HIVEP3: variants seen among roughly 807,000 people sequenced by gnomAD.
HIVEP3 encodes HIVEP zinc finger 3, also known as transcription factor HIVEP3.
A neutral mutation model predicts 152.8 loss-of-function variants in HIVEP3; 49 were observed. The observed-to-expected ratio is 0.32, with a 90% CI of 0.26 to 0.41. The LOEUF (loss-of-function observed/expected upper bound fraction) is 0.41, where lower values mean the gene tolerates loss of function less well. HIVEP3 is among the 10% of genes least tolerant of loss of function. The pLI is 1.00. For synonymous variants in HIVEP3, 1,269 were observed against 1,289.0 expected (o/e 0.98, Z 0.33); for missense variants, 2,790 against 3,103.3 (o/e 0.90, Z 2.40).
At chr1:41,799,134 G>C (rs1650157745) in intron 1 of HIVEP3, among the ~76,000 whole-genome samples, 1 of 152,092 alleles carries the variant, frequency 6.6e-6, no homozygotes, top group Non-Finnish European at 1.5e-5. Context: ...AACTTATTTA[G>C]TCATGAAATC....
chr1:41,743,048 T>C (rs1460237027), intron 1 of HIVEP3, among the ~76,000 whole-genome samples: 3 of 151,936 alleles, frequency 2.0e-5, no homozygotes, highest in Non-Finnish European at 4.4e-5. Context: ...TGGTGGGCAA[T>C]ACCACATCAT....
chr1:41,609,154 G>T (rs1247380698), intron 3 of HIVEP3, among the ~76,000 whole-genome samples: 1 of 152,204 alleles, frequency 6.6e-6, no homozygotes, highest in Non-Finnish European at 1.5e-5. Flanking sequence ...GGAAATCAAT[G>T]CATTCATGAC....
At position 41,510,237 on chromosome 1, in the gene HIVEP3, T is replaced by A. The variant is rs963137916; in HGVS notation, c.*214A>T. ...GGTTGTTGTTTTTTTTTTAAATGTA[T>A]GTATGTGATTTGTTTTGTTTCTTTT... On this transcript the variant is annotated 3_prime_UTR_variant, in exon 9 of 9. Transcript: ENST00000372583. 2.5e-6 allele frequency: 1 copy of A among 397,982 alleles called. No homozygotes were observed. Among genetic ancestry groups the A allele is most frequent in the Non-Finnish European group, 4.4e-6 (1 of 227,290 alleles). The allele number at this position is 397,982 out of a possible 1,614,324, so 24.7% of individuals were successfully genotyped here.
intron 1 of HIVEP3, among the ~76,000 whole-genome samples, chr1:41,831,471 C>G (rs936361141): frequency 6.6e-6 from 1 of 152,152 alleles, no homozygotes; most frequent in Non-Finnish European, 1.5e-5. Context: ...GGGAATCATA[C>G]AGTTTTTTAT....
At chr1:41,649,032 C>T (rs1558147257) in intron 2 of HIVEP3, among the ~76,000 whole-genome samples, 1 of 152,202 alleles carries the variant, frequency 6.6e-6, no homozygotes, top group African/African-American at 2.4e-5. Flanking sequence ...AAGGCATAGA[C>T]CTGCTTTGGA....
intron 3 of HIVEP3, among the ~76,000 whole-genome samples, chr1:41,594,465 C>T (rs889913093): frequency 6.6e-6 from 1 of 152,048 alleles, no homozygotes; most frequent in African/African-American, 2.4e-5. Context: ...TCAAGTGATC[C>T]CCTGCCTCAG....
chr1:41,741,673 T>A (rs377250899), intron 1 of HIVEP3, among the ~76,000 whole-genome samples: 1 of 152,234 alleles, frequency 6.6e-6, no homozygotes, highest in African/African-American at 2.4e-5. Context: ...TGCTGCCCTA[T>A]CCATCTGATT....
upstream of HIVEP3, among the ~76,000 whole-genome samples, chr1:41,919,332 G>C (rs759153031): frequency 3.9e-5 from 6 of 152,186 alleles, no homozygotes; most frequent in Non-Finnish European, 7.3e-5. Context: ...TCTGGCTGCA[G>C]ATCAGGGGCC....
At chr1:41,903,536 G>A (rs543499511) in intron 1 of HIVEP3, among the ~76,000 whole-genome samples, 2 of 152,336 alleles carry the variant, frequency 1.3e-5, no homozygotes, top group South Asian at 4.1e-4. Flanking sequence ...ACACTTGCCC[G>A]ACTTGTCCTA....
rs961569962 is a variant in HIVEP3 at position 41,662,491 on chromosome 1, C to G, written c.-720-33544G>C. 8.6e-5 allele frequency among the ~76,000 whole-genome samples: 13 copies of G among 151,616 alleles called. No individual in the cohort carries two copies. Among genetic ancestry groups the G allele is most frequent in the Middle Eastern group, 3.4e-3 (1 of 290 alleles). On this transcript the variant is annotated intron_variant, in intron 2 of 8. Transcript: ENST00000372583. This position sits in a 1 kb window ranked among gnomAD's most constrained non-coding sequence, Gnocchi z 7.2. ...CTGTCGCCGAGCACGGGGACCCCGCCGCCGGCCCGGGGCGCCTCTCCCGTC... is the reference window on the plus strand; with the variant it reads ...CTGTCGCCGAGCACGGGGACCCCGCGGCCGGCCCGGGGCGCCTCTCCCGTC...
At chr1:41,980,417 C>G (rs187734215) in intron 1 of HIVEP3, among the ~76,000 whole-genome samples, 57 of 152,176 alleles carry the variant, frequency 3.7e-4, no homozygotes, top group Admixed American at 3.6e-3. Flanking sequence ...CGATGAATGT[C>G]AAAGGCATTC....
Position 41,563,046 on chromosome 1 carries a change from T to A in HIVEP3, c.5207+12498A>T, listed in dbSNP as rs74069925. On this transcript the variant is annotated intron_variant, in intron 5 of 8. Coordinates refer to ENST00000372583, the MANE Select transcript of HIVEP3 (RefSeq NM_024503.5). ...AGGCACAATGAGGGCATGGCAGGGG[T>A]GCCATAAAGAAATAGTGGGGGTCGG... 1.2e-3 allele frequency among the ~76,000 whole-genome samples: 177 copies of A among 151,836 alleles called. 1 individual carries two copies. The highest frequency in any genetic ancestry group is 3.8e-3 in the African/African-American group (156 of 41,352).
At chr1:41,833,380 T>C (rs1455879962) in intron 1 of HIVEP3, among the ~76,000 whole-genome samples, 3 of 152,178 alleles carry the variant, frequency 2.0e-5, no homozygotes, top group Non-Finnish European at 4.4e-5. Context: ...TTTTGAGGTC[T>C]TGAGTCCACT....
intron 2 of HIVEP3, among the ~76,000 whole-genome samples, chr1:41,640,371 C>T (rs1051639978): frequency 3.3e-5 from 5 of 152,116 alleles, no homozygotes; most frequent in Non-Finnish European, 7.4e-5. Context: ...CAGAAAGCCC[C>T]CTGGAACTAG....
intron 1 of HIVEP3, among the ~76,000 whole-genome samples, chr1:41,888,075 G>C (rs558300952): frequency 3.6e-5 from 5 of 140,334 alleles, no homozygotes; most frequent in South Asian, 4.5e-4. Flanking sequence ...AGTCTCTGTC[G>C]CCCAGGCTGG....
intron 2 of HIVEP3, among the ~76,000 whole-genome samples, chr1:41,639,569 T>G (rs977616016): frequency 6.6e-6 from 1 of 152,204 alleles, no homozygotes; most frequent in Admixed American, 6.5e-5. Flanking sequence ...GTGGGACACC[T>G]TCCAAGTCTC....
At chr1:41,575,358 C>T (rs182595300) in intron 5 of HIVEP3, among the ~76,000 whole-genome samples, 186 bp downstream of exon 5, 168 of 152,278 alleles carry the variant, frequency 1.1e-3, no homozygotes, top group Admixed American at 1.9e-3. Flanking sequence ...AGAAGCCCCA[C>T]GGCATTCTTA....
intron 1 of HIVEP3, among the ~76,000 whole-genome samples, chr1:41,917,346 G>A (rs551464111): frequency 6.6e-6 from 1 of 152,098 alleles, no homozygotes; most frequent in Admixed American, 6.5e-5. Context: ...TAACAAAACC[G>A]AAGCACTCCA....
chr1:41,894,418 T>C (rs1644497284), intron 1 of HIVEP3, among the ~76,000 whole-genome samples: 1 of 152,210 alleles, frequency 6.6e-6, no homozygotes, highest in Non-Finnish European at 1.5e-5. Context: ...TTTACATTTA[T>C]TATCTACCTT....
Sources: gnomAD v4.1 joint callset for allele counts (sites outside exome capture counted in the v4.1 genomes callset) on GRCh38, gnomAD v4.1.1 for gene constraint, Gnocchi (gnomAD v3.1) non-coding constraint, MANE v1.5 for transcripts, NCBI Gene and HGNC (gene_info 2026-07-23, HGNC 2026-07-21) for gene names.